The following RAB19 variants were observed in gnomAD, a reference collection of about 807,000 sequenced individuals.
RAB19 encodes the protein ras-related protein Rab-19.
Under a neutral mutation model 17.3 loss-of-function variants are expected in RAB19, and 21 were observed. That is an observed-to-expected ratio of 1.21 (90% CI 0.86 to 1.74). The LOEUF (loss-of-function observed/expected upper bound fraction) is 1.74. RAB19 is among the 40% of genes most tolerant of loss of function. The pLI is 0.00. For synonymous variants in RAB19, 126 were observed against 110.4 expected (o/e 1.14, Z -0.88); for missense variants, 277 against 286.8 (o/e 0.97, Z 0.25).
At chr7:140,414,671 G>A (rs1414447246) in intron 3 of RAB19, among the ~76,000 whole-genome samples, 7 of 152,096 alleles carry the variant, frequency 4.6e-5, no homozygotes, top group South Asian at 4.1e-4. Flanking sequence ...TTTTCTGTTC[G>A]TGGCCTCCCT....
intron 1 of RAB19, 40 bp from the exon 2 acceptor site, chr7:140,407,584 T>C (rs942414505): frequency 1.7e-5 from 26 of 1,493,786 alleles, no homozygotes; most frequent in Non-Finnish European, 4.7e-6. Context: ...TTGTACTGGA[T>C]CCCCAGTTCC....
At position 140,404,145 on chromosome 7, in the gene RAB19, G is replaced by A. The variant is rs1799192170; in HGVS notation, c.-96G>A. ...GGCAGGAGGAAGAAGGGGGCACTGG[G>A]GGGCTGAAAAGCAAACCCAGAAGAA... On this transcript the variant is annotated 5_prime_UTR_variant, in exon 1 of 4. Coordinates refer to ENST00000537763, the MANE Select transcript of RAB19 (RefSeq NM_001008749.3). 1 of 152,570 alleles carries A rather than the reference G, an allele frequency of 6.6e-6. No homozygotes were observed. Among genetic ancestry groups the A allele is most frequent in the African/African-American group, 2.4e-5 (1 of 41,442 alleles). 9.5% of individuals were successfully genotyped at this position (152,570 alleles called of 1,614,324 possible). A position where few individuals can be genotyped will look rare whatever the true frequency, so the allele number is the denominator to read the frequency against.
intron 3 of RAB19, among the ~76,000 whole-genome samples, chr7:140,416,522 G>T (rs1268331673): frequency 6.6e-6 from 1 of 152,174 alleles, no homozygotes; most frequent in Admixed American, 6.6e-5. Context: ...CATAGCATAT[G>T]TTATTTTATT....
intron 3 of RAB19, among the ~76,000 whole-genome samples, chr7:140,414,446 A>G (rs1467712313): frequency 3.3e-5 from 5 of 152,188 alleles, no homozygotes; most frequent in African/African-American, 1.2e-4. Context: ...AAACAGATGC[A>G]TCAGAGAAGG....
intron 3 of RAB19, among the ~76,000 whole-genome samples, chr7:140,412,286 C>T (rs948335693): frequency 3.3e-5 from 5 of 152,122 alleles, no homozygotes; most frequent in African/African-American, 1.2e-4. Context: ...CCCGTCTCTA[C>T]TAAAAATACA....
chr7:140,424,637 A>ATGTGTG (rs1443589641), intron 3 of RAB19, among the ~76,000 whole-genome samples: 1 of 120,778 alleles, frequency 8.3e-6, no homozygotes. Context: ...ATATATATAT[A>ATGTGTG]TATGTGTGTG....
intron 2 of RAB19, among the ~76,000 whole-genome samples, chr7:140,408,117 A>T (rs1252727895): frequency 2.0e-5 from 3 of 150,128 alleles, no homozygotes; most frequent in African/African-American, 7.4e-5. Flanking sequence ...CTATCTCCTG[A>T]CCTCATGATC....
rs201700792 is a variant in RAB19, at chr7:140,411,905, G to A, written c.233G>A (p.Arg78His). The A allele has an allele frequency of 1.9e-5, 30 of 1,614,002 alleles. No individual in the cohort carries two copies. Among genetic ancestry groups the A allele is most frequent in the Middle Eastern group, 3.3e-4 (2 of 6,084 alleles). Residue 78 changes from arginine to histidine, a missense_variant, in exon 3 of 4, where the codon CGC becomes CAC. By Grantham distance (29) the Arg-to-His change is conservative. Coordinates refer to ENST00000537763, the MANE Select transcript of RAB19 (RefSeq NM_001008749.3). ...MQVWDTAGQE[R>H]FRTITQSYYR... is the part of the protein sequence containing the mutation. ...GTGTGGGACACAGCTGGCCAGGAGC[G>A]CTTCCGCACCATCACCCAAAGCTAC...
At chr7:140,424,639 A>ATATATATATG (rs1554442794) in intron 3 of RAB19, among the ~76,000 whole-genome samples, 62 of 138,344 alleles carry the variant, frequency 4.5e-4, no homozygotes, top group African/African-American at 1.7e-3. Flanking sequence ...ATATATATAT[A>ATATATATATG]TGTGTGTGTG....
At chr7:140,423,703 T>C (rs1031014952) in intron 3 of RAB19, among the ~76,000 whole-genome samples, 1 of 152,160 alleles carries the variant, frequency 6.6e-6, no homozygotes, top group African/African-American at 2.4e-5. Flanking sequence ...AGGAATAGCA[T>C]GAAAGAGAGC....
In RAB19 at chr7:140,423,845, A is replaced by G. The variant is rs564757877; in HGVS notation, c.386-2037A>G. On this transcript the variant is annotated intron_variant, in intron 3 of 3. Coordinates refer to ENST00000537763, the MANE Select transcript of RAB19 (RefSeq NM_001008749.3). ...TTGGGACATTTATTCATTTCATGAC[A>G]AGAAACTTTTTTTTCCTTTTTTTTT... Among the ~76,000 whole-genome samples, 7 of 152,182 alleles carry G rather than the reference A, an allele frequency of 4.6e-5. No individual in the cohort carries two copies. The East Asian group carries it at 1.4e-3, about 29-fold the overall frequency.
intron 3 of RAB19, 106 bp downstream of exon 3, chr7:140,412,163 G>A: frequency 8.1e-7 from 1 of 1,230,024 alleles, no homozygotes; most frequent in Non-Finnish European, 1.2e-6. Flanking sequence ...AAAAGTGTAA[G>A]TGATGCAGCC....
At chr7:140,414,342 C>T (rs944120600) in intron 3 of RAB19, among the ~76,000 whole-genome samples, 1 of 152,080 alleles carries the variant, frequency 6.6e-6, no homozygotes, top group Non-Finnish European at 1.5e-5. Flanking sequence ...ACCCCCGGCC[C>T]CTCTGTGCTA....
At chr7:140,412,210 G>A (rs1462193026) in intron 3 of RAB19, among the ~76,000 whole-genome samples, 153 bp downstream of exon 3, 1 of 152,118 alleles carries the variant, frequency 6.6e-6, no homozygotes, top group Non-Finnish European at 1.5e-5. Context: ...CCAGCACTTT[G>A]GGAGGCTGGG....
intron 3 of RAB19, among the ~76,000 whole-genome samples, chr7:140,421,529 TTTATA>T (rs1474472071): frequency 2.0e-5 from 3 of 152,042 alleles, no homozygotes; most frequent in African/African-American, 7.2e-5. Flanking sequence ...CCAGCTAATT[TTTATA>T]TTATGAGTAA....
intron 3 of RAB19, among the ~76,000 whole-genome samples, chr7:140,425,181 G>A (rs1799640945): frequency 6.6e-6 from 1 of 152,126 alleles, no homozygotes; most frequent in African/African-American, 2.4e-5. Flanking sequence ...AGCTACTCGG[G>A]AGTCTGAGGC....
At position 140,426,006 on chromosome 7, in the gene RAB19, A is replaced by G. The variant is rs1295307281; in HGVS notation, c.510A>G (p.Glu170=). The change falls in exon 4 of 4, where the codon GAA becomes GAG. Residue 170 remains glutamate, a synonymous_variant. Coordinates refer to ENST00000537763, the MANE Select transcript of RAB19 (RefSeq NM_001008749.3). ...CCAAGGAGTCAAAGAACATAGAAGAAGTCTTCGTGCTCATGGCCAAGGAGC... is the reference window on the plus strand; with the variant it reads ...CCAAGGAGTCAAAGAACATAGAAGAGGTCTTCGTGCTCATGGCCAAGGAGC... ...TSAKESKNIE[E]VFVLMAKELI... 3 of 1,614,160 alleles carry G rather than the reference A, an allele frequency of 1.9e-6. No individual in the cohort carries two copies. Among genetic ancestry groups the G allele is most frequent in the Admixed American group, 3.3e-5 (2 of 60,008 alleles).
At chr7:140,416,081 G>A (rs914515089) in intron 3 of RAB19, among the ~76,000 whole-genome samples, 1 of 151,792 alleles carries the variant, frequency 6.6e-6, no homozygotes, top group Non-Finnish European at 1.5e-5. Context: ...AGTGGCTCAC[G>A]TCTGTAATCC....
At chr7:140,423,121 A>G (rs1397231233) in intron 3 of RAB19, among the ~76,000 whole-genome samples, 1 of 151,582 alleles carries the variant, frequency 6.6e-6, no homozygotes, top group African/African-American at 2.4e-5. Context: ...AAACAAATAA[A>G]TAAATAAGGT....
Sources: allele counts gnomAD v4.1 joint callset (sites outside exome capture counted in the v4.1 genomes callset), GRCh38; gene constraint gnomAD v4.1.1; transcripts MANE v1.5; gene names NCBI Gene and HGNC (gene_info 2026-07-23, HGNC 2026-07-21).